Variants in HNRNPC observed in about 807,000 individuals in gnomAD.
HNRNPC encodes heterogeneous nuclear ribonucleoprotein C, also known as heterogeneous nuclear ribonucleoproteins C1/C2.
In HNRNPC, 3 loss-of-function variants were observed where a neutral mutation model predicts 33.2. The observed-to-expected ratio is 0.09, with a 90% confidence interval of 0.04 to 0.23. The LOEUF (loss-of-function observed/expected upper bound fraction) is 0.23. HNRNPC is among the 10% of genes least tolerant of loss of function. The probability of loss-of-function intolerance (pLI) is 1.00; values close to 1 mark genes in which losing one functional copy is unlikely to be tolerated. For missense variants in HNRNPC, 143 were observed against 366.7 expected, an observed-to-expected ratio of 0.39 and a Z score of 4.98; for synonymous variants, 121 against 126.7, an observed-to-expected ratio of 0.96 and a Z score of 0.30.
chr14:21,217,261 G>A (rs1322040819), intron 5 of HNRNPC, among the ~76,000 whole-genome samples: 1 of 152,096 alleles, frequency 6.6e-6, no homozygotes, highest in East Asian at 1.9e-4. Context: ...TTTGTAGCTT[G>A]TGTTTTATTT....
At chr14:21,263,869 A>G (rs1204963772) in intron 1 of HNRNPC, 1 of 152,188 alleles carries the variant, frequency 6.6e-6, no homozygotes, top group Non-Finnish European at 1.5e-5. Context: ...AGAGTTCCTC[A>G]GAAATGTTGT....
At chr14:21,266,813 G>A (rs927193706) in intron 1 of HNRNPC, among the ~76,000 whole-genome samples, 2 of 151,324 alleles carry the variant, frequency 1.3e-5, no homozygotes, top group South Asian at 2.1e-4. Context: ...AACCGGGGCC[G>A]GGTGCGGTGG....
intron 2 of HNRNPC, among the ~76,000 whole-genome samples, chr14:21,261,663 A>G (rs1878271410): frequency 6.6e-6 from 1 of 152,162 alleles, no homozygotes; most frequent in Admixed American, 6.6e-5. Context: ...GGGGGTGTCA[A>G]GGCAGGAGGA....
intron 2 of HNRNPC, among the ~76,000 whole-genome samples, chr14:21,260,577 A>C (rs1304723541): frequency 6.6e-6 from 1 of 151,934 alleles, no homozygotes; most frequent in South Asian, 2.1e-4. Context: ...CCAAAACTTC[A>C]GGAGGCTGAG....
At chr14:21,251,709 A>C (rs973598738) in intron 2 of HNRNPC, among the ~76,000 whole-genome samples, 1 of 152,208 alleles carries the variant, frequency 6.6e-6, no homozygotes, top group African/African-American at 2.4e-5. Flanking sequence ...TAGGAAAAAT[A>C]GTCTCAGATT....
At chr14:21,256,924 G>A (rs1168360588) in intron 2 of HNRNPC, among the ~76,000 whole-genome samples, 2 of 152,178 alleles carry the variant, frequency 1.3e-5, no homozygotes, top group East Asian at 3.9e-4. Flanking sequence ...AAAGTGCTGG[G>A]ATTACAGGCC....
At chr14:21,231,509 A>AT (rs1030654211) in intron 3 of HNRNPC, 3 of 411,250 alleles carry the variant, frequency 7.3e-6, no homozygotes, top group African/African-American at 6.2e-5. Flanking sequence ...TAATTTTTCT[A>AT]TTTTTCGTAG....
chr14:21,216,400 T>C (rs1011829664), intron 5 of HNRNPC, among the ~76,000 whole-genome samples: 1 of 152,050 alleles, frequency 6.6e-6, no homozygotes, highest in African/African-American at 2.4e-5. Flanking sequence ...ATCTTAAAAA[T>C]GTGAACAGAT....
intron 5 of HNRNPC, among the ~76,000 whole-genome samples, chr14:21,216,506 G>A (rs557407743): frequency 5.9e-5 from 9 of 152,260 alleles, no homozygotes; most frequent in South Asian, 2.1e-4. Context: ...CCAGGACATG[G>A]AGACGGGCCT....
chr14:21,239,699 C>A (rs1460325666), intron 2 of HNRNPC, among the ~76,000 whole-genome samples: 1 of 152,026 alleles, frequency 6.6e-6, no homozygotes, highest in Admixed American at 6.6e-5. Flanking sequence ...CATGGTGTAA[C>A]CCGGTCTCTA....
At chr14:21,248,765 C>T (rs568950001) in intron 2 of HNRNPC, among the ~76,000 whole-genome samples, 1 of 152,226 alleles carries the variant, frequency 6.6e-6, no homozygotes, top group Non-Finnish European at 1.5e-5. Flanking sequence ...AATAAATGGT[C>T]CGTATGAACC....
intron 5 of HNRNPC, among the ~76,000 whole-genome samples, chr14:21,222,770 T>C (rs1453644925): frequency 6.6e-6 from 1 of 152,048 alleles, no homozygotes; most frequent in Admixed American, 6.6e-5. Flanking sequence ...GGCAGGCGCC[T>C]GTAGTCCCAG....
At chr14:21,237,474 T>C (rs1458512622) in intron 2 of HNRNPC, among the ~76,000 whole-genome samples, 1 of 152,238 alleles carries the variant, frequency 6.6e-6, no homozygotes, top group African/African-American at 2.4e-5. Context: ...TATTCTTCTG[T>C]AACTCTTGAA....
intron 2 of HNRNPC, among the ~76,000 whole-genome samples, chr14:21,256,580 G>C (rs560070215): frequency 6.6e-6 from 1 of 152,170 alleles, no homozygotes; most frequent in Non-Finnish European, 1.5e-5. Context: ...CAGGAGACAA[G>C]GGTGGCTTGA....
intron 2 of HNRNPC, among the ~76,000 whole-genome samples, chr14:21,240,880 G>A (rs1009965522): frequency 8.5e-5 from 13 of 152,104 alleles, no homozygotes; most frequent in Non-Finnish European, 1.9e-4. Flanking sequence ...TCACTTACCA[G>A]ACATTATCTC....
chr14:21,228,150 C>T (rs1259440510), intron 5 of HNRNPC, among the ~76,000 whole-genome samples: 2 of 152,208 alleles, frequency 1.3e-5, no homozygotes, highest in Non-Finnish European at 2.9e-5. Context: ...AGGGCAGATG[C>T]TTCAGACAAA....
intron 2 of HNRNPC, among the ~76,000 whole-genome samples, chr14:21,242,946 G>A (rs1895531795): frequency 6.6e-6 from 1 of 152,160 alleles, no homozygotes; most frequent in African/African-American, 2.4e-5. Context: ...CCAATGTGGT[G>A]AAACCCCATC....
chr14:21,266,261 C>T (rs1878963795), intron 1 of HNRNPC, among the ~76,000 whole-genome samples: 2 of 152,070 alleles, frequency 1.3e-5, no homozygotes, highest in Non-Finnish European at 2.9e-5. Context: ...CGCCAGCACG[C>T]CAAGCTAATT....
At chr14:21,218,704 A>AAAAAAAAAAAAAAC (rs1225752731) in intron 5 of HNRNPC, among the ~76,000 whole-genome samples, 2 of 136,794 alleles carry the variant, frequency 1.5e-5, no homozygotes, top group African/African-American at 5.5e-5. Flanking sequence ...AAAAAAAAAA[A>AAAAAAAAAAAAAAC]AAAACTGAAA....
Sources: allele counts gnomAD v4.1 joint callset (sites outside exome capture counted in the v4.1 genomes callset), GRCh38; gene constraint gnomAD v4.1.1; transcripts MANE v1.5; gene names NCBI Gene and HGNC (gene_info 2026-07-23, HGNC 2026-07-21).